The following PCDHGA9 variants were observed in gnomAD, a reference collection of about 807,000 sequenced individuals.
The protein encoded by PCDHGA9 is protocadherin gamma-A9.
PCDHGA9 carries 37 observed loss-of-function variants against 62.5 expected under a neutral mutation model. The observed-to-expected ratio is 0.59, with a 90% CI of 0.46 to 0.78. PCDHGA9 has a LOEUF of 0.78. Among genes scored for constraint, PCDHGA9 ranks in the 30% least tolerant of loss-of-function variants. PCDHGA9 has a pLI of 0.00. For missense variants in PCDHGA9, 1,138 were observed against 1,166.2 expected (o/e 0.98, Z 0.35); for synonymous variants, 459 against 484.6 (o/e 0.95, Z 0.69).
In PCDHGA9 at chr5:141,477,963, A is replaced by C; in HGVS notation, c.2425-16844A>C. ...TACAGTCTCTTGGGATCCCCTAACC[A>C]GAGCCTTTTTGCCATAGGGCTGCAC... On this transcript the variant is annotated intron_variant, in intron 1 of 3. Coordinates refer to ENST00000573521, the MANE Select transcript of PCDHGA9 (RefSeq NM_018921.3). The surrounding 1 kb of genome is among the most constrained non-coding windows in gnomAD (Gnocchi z 4.9). The C allele has an allele frequency of 1.2e-6, 2 of 1,614,118 alleles. No individual in the cohort carries two copies. The highest frequency in any genetic ancestry group is 1.7e-6 in the Non-Finnish European group (2 of 1,180,024).
chr5:141,408,431 G>A, intron 1 of PCDHGA9: 1 of 1,614,064 alleles, frequency 6.2e-7, no homozygotes. Flanking sequence ...GCACTTCAGC[G>A]TAGACGCGGA....
chr5:141,476,562 C>A lies in PCDHGA9; in HGVS notation c.2425-18245C>A. On this transcript the variant is annotated intron_variant, in intron 1 of 3. Transcript: ENST00000573521. This position sits in a 1 kb window ranked among gnomAD's most constrained non-coding sequence, Gnocchi z 7.6. ...AAATTGGAGATTAGCGAGGCCGTGG[C>A]TCCGGGGACGCGCTTTCCGCTCGAG... 1 of 1,614,218 alleles carries A rather than the reference C, an allele frequency of 6.2e-7. No homozygotes were observed. The highest frequency in any genetic ancestry group is 8.5e-7 in the Non-Finnish European group (1 of 1,180,034).
At position 141,431,203 on chromosome 5, in the gene PCDHGA9, T is replaced by C. The variant is rs139061906; in HGVS notation, c.2424+25827T>C. On this transcript the variant is annotated intron_variant, in intron 1 of 3. Coordinates refer to ENST00000573521, the MANE Select transcript of PCDHGA9 (RefSeq NM_018921.3). This position sits in a 1 kb window ranked among gnomAD's most constrained non-coding sequence, Gnocchi z 4.8. ...TAAAAATTAGTGAAAATGCAGCCACTGAGATGCGGTTCCCTCTACCCCACG... is the reference window on the plus strand; with the variant it reads ...TAAAAATTAGTGAAAATGCAGCCACCGAGATGCGGTTCCCTCTACCCCACG... The C allele has an allele frequency of 3.1e-6, 5 of 1,614,116 alleles. No individual in the cohort carries two copies. The highest frequency in any genetic ancestry group is 1.1e-5 in the South Asian group (1 of 91,090).
rs1437409726 is a variant in PCDHGA9, at chr5:141,471,036, C to T, written c.2425-23771C>T. Among the ~76,000 whole-genome samples the T allele has an allele frequency of 2.8e-5, 4 of 144,908 alleles. No homozygotes were observed. The South Asian group carries it at 6.5e-4, about 24-fold the overall frequency. ...CTGGTCAATCATTTTTATTAACAAG[C>T]CCAAGCCCTCTTTTTTTTTTTTTTT... On this transcript the variant is annotated intron_variant, in intron 1 of 3. Transcript: ENST00000573521.
chr5:141,477,180 C>T lies in PCDHGA9; in HGVS notation c.2425-17627C>T. On this transcript the variant is annotated intron_variant, in intron 1 of 3. Coordinates refer to ENST00000573521, the MANE Select transcript of PCDHGA9 (RefSeq NM_018921.3). This position sits in a 1 kb window ranked among gnomAD's most constrained non-coding sequence, Gnocchi z 4.9. ...GACAACGCCCCGGAGATCACAGTCA[C>T]CTCCGTGTACAGCCCAGTACCCGAG... 1 of 1,614,196 alleles carries T rather than the reference C, an allele frequency of 6.2e-7. No homozygotes were observed. The highest frequency in any genetic ancestry group is 8.5e-7 in the Non-Finnish European group (1 of 1,180,032).
chr5:141,415,772 T>TTTTA, intron 1 of PCDHGA9: 1 of 1,332,982 alleles, frequency 7.5e-7, no homozygotes, highest in Non-Finnish European at 9.6e-7. Context: ...TTTTTTTTTT[T>TTTTA]ACTTTCTGGT....
At chr5:141,439,202 A>AG (rs1348445707) in intron 1 of PCDHGA9, among the ~76,000 whole-genome samples, 2 of 151,954 alleles carry the variant, frequency 1.3e-5, no homozygotes, top group African/African-American at 4.8e-5. Context: ...AAAAAAAAAA[A>AG]AAATCCATAT....
At chr5:141,480,295 G>A (rs1190133739) in intron 1 of PCDHGA9, among the ~76,000 whole-genome samples, 2 of 133,330 alleles carry the variant, frequency 1.5e-5, no homozygotes, top group Admixed American at 7.4e-5. Context: ...TGCACCTGTG[G>A]TACCAGCTAC....
Position 141,489,557 on chromosome 5 carries a change from T to C in PCDHGA9, c.2425-5250T>C, listed in dbSNP as rs150797955. 54 of 1,613,956 alleles carry C rather than the reference T, an allele frequency of 3.3e-5. 1 individual carries two copies. Among genetic ancestry groups the C allele is most frequent in the Non-Finnish European group, 4.3e-5 (51 of 1,180,004 alleles). On this transcript the variant is annotated intron_variant, in intron 1 of 3. Coordinates refer to ENST00000573521, the MANE Select transcript of PCDHGA9 (RefSeq NM_018921.3). The surrounding 1 kb of genome is among the most constrained non-coding windows in gnomAD (Gnocchi z 4.5). ...GCCAGCACCAGCTGCCTGCTGCCAG[T>C]GCAGGTGGTGACTGAACACCCCCTG...
At chr5:141,414,231 C>T (rs2095722548) in intron 1 of PCDHGA9, 1 of 1,613,304 alleles carries the variant, frequency 6.2e-7, no homozygotes, top group South Asian at 1.1e-5. Flanking sequence ...CAGAGCTGAC[C>T]ATCACGTCTC....
chr5:141,420,080 C>G, intron 1 of PCDHGA9: 2 of 1,614,010 alleles, frequency 1.2e-6, no homozygotes, highest in African/African-American at 1.3e-5. Flanking sequence ...TGTGGGTCCC[C>G]CCAACTACAG....
chr5:141,493,937 A>G lies in PCDHGA9; in HGVS notation c.2425-870A>G, dbSNP rs931274307. Among the ~76,000 whole-genome samples the G allele has an allele frequency of 6.6e-6, 1 of 152,212 alleles. No individual in the cohort carries two copies. The highest frequency in any genetic ancestry group is 1.5e-5 in the Non-Finnish European group (1 of 68,022). ...GGATAACACACCCCCTGGAAAGACCAGAAGGGACTCAGGAATGAAGTGGCT... is the reference window on the plus strand; with the variant it reads ...GGATAACACACCCCCTGGAAAGACCGGAAGGGACTCAGGAATGAAGTGGCT... On this transcript the variant is annotated intron_variant, in intron 1 of 3. Coordinates refer to ENST00000573521, the MANE Select transcript of PCDHGA9 (RefSeq NM_018921.3). This position sits in a 1 kb window ranked among gnomAD's most constrained non-coding sequence, Gnocchi z 4.3.
In PCDHGA9 at chr5:141,403,143, T is replaced by A; in HGVS notation, c.191T>A (p.Val64Asp). ...LEPRELAERR[V>D]RIVSRGRTQL... ...CCCCGGGAGCTGGCGGAGCGCCGAG[T>A]CCGCATCGTCTCTAGAGGTAGGACG... Residue 64 changes from valine to aspartate, a missense_variant, in exon 1 of 4, where the codon GTC becomes GAC. Coordinates refer to ENST00000573521, the MANE Select transcript of PCDHGA9 (RefSeq NM_018921.3). 6.2e-7 allele frequency: 1 copy of A among 1,613,850 alleles called. No homozygotes were observed. The highest frequency in any genetic ancestry group is 8.5e-7 in the Non-Finnish European group (1 of 1,179,856).
chr5:141,466,754 C>G (rs1045917268), intron 1 of PCDHGA9, among the ~76,000 whole-genome samples: 2 of 152,138 alleles, frequency 1.3e-5, no homozygotes, highest in South Asian at 2.1e-4. Context: ...GATAGGGGCT[C>G]TTTTCAAACT....
chr5:141,413,578 C>G, intron 1 of PCDHGA9: 1 of 1,613,870 alleles, frequency 6.2e-7, no homozygotes, highest in Non-Finnish European at 8.5e-7. Flanking sequence ...TGACAATGCT[C>G]CAAAATTCCA....
chr5:141,403,217 A>G lies in PCDHGA9; in HGVS notation c.265A>G (p.Arg89Gly), dbSNP rs763517467. Residue 89 changes from arginine (R) to glycine (G), a missense_variant, in exon 1 of 4, where the codon AGG becomes GGG. Arg to Gly is a moderately radical substitution (Grantham distance 125, BLOSUM62 -2). Coordinates refer to ENST00000573521, the MANE Select transcript of PCDHGA9 (RefSeq NM_018921.3). ...PRSGTLVTAG[R>G]IDREELCAQS... ...CAGCGGCACCTTGGTCACCGCGGGT[A>G]GGATAGACCGGGAGGAGCTCTGTGC... 10 of 1,613,810 alleles carry G rather than the reference A, an allele frequency of 6.2e-6. No individual in the cohort carries two copies. Among genetic ancestry groups the G allele is most frequent in the East Asian group, 2.2e-5 (1 of 44,886 alleles).
chr5:141,442,981 C>T (rs2098357132), intron 1 of PCDHGA9, among the ~76,000 whole-genome samples: 1 of 152,142 alleles, frequency 6.6e-6, no homozygotes, highest in African/African-American at 2.4e-5. Flanking sequence ...ATAAAGTTAG[C>T]CTATAATTTC....
At chr5:141,421,548 G>C in intron 1 of PCDHGA9, 1 of 1,613,984 alleles carries the variant, frequency 6.2e-7, no homozygotes, top group Non-Finnish European at 8.5e-7. Flanking sequence ...TTTTAAATAT[G>C]GAACTTCTCG....
chr5:141,413,601 A>T (rs2095657842), intron 1 of PCDHGA9: 1 of 1,613,814 alleles, frequency 6.2e-7, no homozygotes, highest in African/African-American at 1.3e-5. Flanking sequence ...CAGAAAATCT[A>T]GACGTAAAAA....
Sources: gnomAD v4.1 joint callset for allele counts (sites outside exome capture counted in the v4.1 genomes callset) on GRCh38, gnomAD v4.1.1 for gene constraint, Gnocchi (gnomAD v3.1) non-coding constraint, MANE v1.5 for transcripts, NCBI Gene and HGNC (gene_info 2026-07-23, HGNC 2026-07-21) for gene names.